Variants in VASH2 observed in about 807,000 individuals in gnomAD.
VASH2 encodes the protein tubulinyl-Tyr carboxypeptidase 2.
VASH2 carries 28 observed loss-of-function variants against 37.2 expected under a neutral mutation model. The ratio of observed to expected loss-of-function variants is 0.75; its 90% CI spans 0.56 to 1.03. VASH2 has a LOEUF of 1.03. Among genes scored for constraint, VASH2 ranks in the 50% least tolerant of loss-of-function variants. The pLI, the probability that VASH2 is intolerant of heterozygous loss-of-function variation, is 0.00. For missense variants in VASH2, 419 were observed against 459.1 expected, an observed-to-expected ratio of 0.91 and a Z score of 0.80; for synonymous variants, 188 against 174.7, an observed-to-expected ratio of 1.08 and a Z score of -0.60.
chr1:212,965,812 T>A (rs1436881660), intron 4 of VASH2, 34 bp downstream of exon 4: 1 of 1,538,566 alleles, frequency 6.5e-7, no homozygotes, highest in Admixed American at 2.0e-5. Flanking sequence ...CCAGATGACC[T>A]CTCTCCTACA....
chr1:212,973,636 G>C (rs919869996), intron 6 of VASH2: 3 of 1,227,784 alleles, frequency 2.4e-6, no homozygotes, highest in African/African-American at 1.6e-5. Context: ...TTCGTGAGGA[G>C]AGGAACTTGC....
At chr1:212,983,262 C>G (rs538980568) in intron 7 of VASH2, among the ~76,000 whole-genome samples, 1 of 152,272 alleles carries the variant, frequency 6.6e-6, no homozygotes, top group East Asian at 1.9e-4. Flanking sequence ...GTCGCTGTAA[C>G]AGAATACCTG....
intron 7 of VASH2, among the ~76,000 whole-genome samples, chr1:212,986,865 A>T (rs1347706286): frequency 6.6e-6 from 1 of 152,226 alleles, no homozygotes; most frequent in Non-Finnish European, 1.5e-5. Context: ...TTCCTGACCG[A>T]TAAAGGAGGG....
intron 2 of VASH2, among the ~76,000 whole-genome samples, chr1:212,953,444 A>C (rs986166471): frequency 6.6e-6 from 1 of 152,114 alleles, no homozygotes; most frequent in Non-Finnish European, 1.5e-5. Context: ...GCACCCTCCC[A>C]CCCGCAAATC....
chr1:212,951,593 C>T lies in VASH2; in HGVS notation c.51C>T (p.Ala17=), dbSNP rs1285420670. 1.9e-6 allele frequency: 3 copies of T among 1,549,980 alleles called. No homozygotes were observed. The highest frequency in any genetic ancestry group is 2.6e-6 in the Non-Finnish European group (3 of 1,147,308). ...ACCGCTGCCCCCACCCCAAAGGCGC[C>T]AAAGGCACCCGGTCCCGGAGCAGCC... ...DTHRCPHPKG[A]KGTRSRSSHA... The change falls in exon 2 of 8, where the codon GCC becomes GCT. Residue 17 remains alanine (A), a synonymous_variant. Transcript: ENST00000517399. This position sits in a 1 kb window ranked among gnomAD's most constrained non-coding sequence, Gnocchi z 4.4.
intron 7 of VASH2, among the ~76,000 whole-genome samples, chr1:212,985,120 C>T (rs1047382652): frequency 6.6e-6 from 1 of 151,188 alleles, no homozygotes; most frequent in Non-Finnish European, 1.5e-5. Flanking sequence ...CTCCTAGGTT[C>T]AAGCGATCCT....
chr1:212,985,566 G>A (rs966669565), intron 7 of VASH2, among the ~76,000 whole-genome samples: 3 of 151,860 alleles, frequency 2.0e-5, no homozygotes. Context: ...ACAGGAATGC[G>A]CCATCATACC....
intron 3 of VASH2, among the ~76,000 whole-genome samples, chr1:212,963,008 T>A (rs1455553846): frequency 1.3e-5 from 2 of 151,976 alleles, no homozygotes; most frequent in South Asian, 2.1e-4. Flanking sequence ...GTCAACTGAT[T>A]ATAGGCTTTA....
At chr1:212,963,742 A>G (rs182550691) in intron 3 of VASH2, among the ~76,000 whole-genome samples, 48 of 152,068 alleles carry the variant, frequency 3.2e-4, no homozygotes, top group African/African-American at 1.1e-3. Context: ...ACTCTAAGGA[A>G]CTGAAAGAAG....
intron 2 of VASH2, chr1:212,952,733 G>A (rs1666359776): frequency 6.6e-6 from 1 of 152,188 alleles, no homozygotes; most frequent in Admixed American, 6.6e-5. Flanking sequence ...TGGACCCTGG[G>A]GACGCTGGTA....
intron 7 of VASH2, among the ~76,000 whole-genome samples, chr1:212,983,099 T>C (rs1667382730): frequency 6.6e-6 from 1 of 152,218 alleles, no homozygotes; most frequent in Non-Finnish European, 1.5e-5. Context: ...TACATGTTAG[T>C]GAGAATTTGA....
rs1031463377 is a variant in VASH2 at position 212,991,014 on chromosome 1, G to A, written c.*2430G>A. The stretch of plus-strand genomic sequence containing the variant: ...AATATAAAAAATAAAACTATGAAGT[G>A]ATTTGAAATCGGTTTTAAAAAGTTG... On this transcript the variant is annotated 3_prime_UTR_variant, in exon 8 of 8. Transcript: ENST00000517399. 1 of 152,130 alleles carries A rather than the reference G, an allele frequency of 6.6e-6. No individual in the cohort carries two copies. The highest frequency in any genetic ancestry group is 1.5e-5 in the Non-Finnish European group (1 of 68,028). The allele number at this position is 152,130 out of a possible 1,614,324, so 9.4% of individuals were successfully genotyped here.
At chr1:212,954,929 G>A (rs1183686637) in intron 2 of VASH2, among the ~76,000 whole-genome samples, 1 of 152,078 alleles carries the variant, frequency 6.6e-6, no homozygotes, top group Non-Finnish European at 1.5e-5. Flanking sequence ...ATCTCCCCTG[G>A]TCCTGACATT....
At chr1:212,968,963 G>T (rs1183157307) in intron 5 of VASH2, 30 of 985,242 alleles carry the variant, frequency 3.0e-5, no homozygotes, top group Non-Finnish European at 3.5e-5. Flanking sequence ...ATACATTTGC[G>T]CATCATGCCA....
At position 212,951,841 on chromosome 1, in the gene VASH2, T is replaced by G; in HGVS notation, c.276+23T>G. On this transcript the variant is annotated intron_variant, in intron 2 of 7. Transcript: ENST00000517399. This position sits in a 1 kb window ranked among gnomAD's most constrained non-coding sequence, Gnocchi z 4.4. ...AAGGTCAGTGGCTTCCAGGGCGGAG[T>G]TGGGGGGCTGGGGGTAGGTAGGCAG... 1.9e-6 allele frequency: 3 copies of G among 1,588,208 alleles called. No individual in the cohort carries two copies. Among genetic ancestry groups the G allele is most frequent in the Non-Finnish European group, 2.6e-6 (3 of 1,172,270 alleles).
intron 2 of VASH2, among the ~76,000 whole-genome samples, chr1:212,953,173 A>G (rs1424960515): frequency 6.6e-6 from 1 of 151,772 alleles, no homozygotes; most frequent in Non-Finnish European, 1.5e-5. Flanking sequence ...TAGCACCCGT[A>G]CCAACCCTGC....
intron 7 of VASH2, among the ~76,000 whole-genome samples, chr1:212,981,971 C>T (rs1667352678): frequency 6.6e-6 from 1 of 152,228 alleles, no homozygotes; most frequent in Non-Finnish European, 1.5e-5. Context: ...GAGGCTGCCT[C>T]AGAGTGTGAA....
At position 212,990,230 on chromosome 1, in the gene VASH2, T is replaced by A. The variant is rs1025648725; in HGVS notation, c.*1646T>A. On this transcript the variant is annotated 3_prime_UTR_variant, in exon 8 of 8. Transcript: ENST00000517399. ...ACTGTTTTCTTAAAGAAGTCGAATG[T>A]CCTTTAGATGAACAAGACCAAGTAT... The A allele has an allele frequency of 6.6e-6, 1 of 152,226 alleles. No individual in the cohort carries two copies. Among genetic ancestry groups the A allele is most frequent in the African/African-American group, 2.4e-5 (1 of 41,464 alleles). 9.4% of individuals were successfully genotyped at this position (152,226 alleles called of 1,614,324 possible). A position where few individuals can be genotyped will look rare whatever the true frequency, so the allele number is the denominator to read the frequency against.
chr1:212,991,211 C>G lies in VASH2; in HGVS notation c.*2627C>G, dbSNP rs1169013469. ...TGAAATCATGAGCATTTCACTTTTTCTAAGTCAATTATTTCATAAGGATTT... is the reference window on the plus strand; with the variant it reads ...TGAAATCATGAGCATTTCACTTTTTGTAAGTCAATTATTTCATAAGGATTT... On this transcript the variant is annotated 3_prime_UTR_variant, in exon 8 of 8. Coordinates refer to ENST00000517399, the MANE Select transcript of VASH2 (RefSeq NM_001301056.2). 6.6e-6 allele frequency: 1 copy of G among 152,102 alleles called. No homozygotes were observed. The highest frequency in any genetic ancestry group is 1.5e-5 in the Non-Finnish European group (1 of 68,004). The allele number at this position is 152,102 out of a possible 1,614,324, so 9.4% of individuals were successfully genotyped here.
Sources: allele counts gnomAD v4.1 joint callset (sites outside exome capture counted in the v4.1 genomes callset), GRCh38; gene constraint gnomAD v4.1.1; non-coding constraint Gnocchi (gnomAD v3.1); transcripts MANE v1.5; gene names NCBI Gene and HGNC (gene_info 2026-07-23, HGNC 2026-07-21).